Variants in ZNF136 observed in about 807,000 individuals in gnomAD.
The protein encoded by ZNF136 is zinc finger protein 136.
A neutral mutation model predicts 11.4 loss-of-function variants in ZNF136; 8 were observed. The ratio of observed to expected loss-of-function variants is 0.70; its 90% CI spans 0.41 to 1.27. The LOEUF (loss-of-function observed/expected upper bound fraction) is 1.27, where lower values mean the gene tolerates loss of function less well. ZNF136 is among the 50% of genes most tolerant of loss of function. The probability of loss-of-function intolerance (pLI) is 0.01; values close to 1 mark genes in which losing one functional copy is unlikely to be tolerated. For missense variants in ZNF136, 590 were observed against 656.5 expected (o/e 0.90, Z 1.11); for synonymous variants, 190 against 207.1 (o/e 0.92, Z 0.71).
At chr19:12,179,895 T>C (rs529990728) in intron 1 of ZNF136, among the ~76,000 whole-genome samples, 3 of 152,210 alleles carry the variant, frequency 2.0e-5, no homozygotes, top group Non-Finnish European at 4.4e-5. Flanking sequence ...AGACAGAGTC[T>C]GGCTCTGTTG....
chr19:12,182,183 CT>C (rs1185615401), intron 1 of ZNF136, among the ~76,000 whole-genome samples: 6 of 152,178 alleles, frequency 3.9e-5, no homozygotes, highest in African/African-American at 1.4e-4. Context: ...TGTTTGTGAC[CT>C]TTTCGCCTGA....
At chr19:12,171,486 GC>G (rs1277402970) in intron 1 of ZNF136, among the ~76,000 whole-genome samples, 1 of 151,990 alleles carries the variant, frequency 6.6e-6, no homozygotes, top group African/African-American at 2.4e-5. Flanking sequence ...TTTCTGTGTG[GC>G]CTTTCATCTT....
At chr19:12,183,564 T>A (rs1164006798) in intron 1 of ZNF136, among the ~76,000 whole-genome samples, 18 of 146,206 alleles carry the variant, frequency 1.2e-4, no homozygotes, top group African/African-American at 4.0e-4. Flanking sequence ...TCTATCTATC[T>A]ATCTATCTAT....
At position 12,163,129 on chromosome 19, in the gene ZNF136, A is replaced by G. The variant is rs1977133038; in HGVS notation, c.-75A>G. ...CAGAGGCCCAGAGTGGCTCGCCTGG[A>G]GTCTCTGTGGCGCGGTTTCCTGTAC... On this transcript the variant is annotated 5_prime_UTR_variant, in exon 1 of 4. Transcript: ENST00000343979. 1.4e-6 allele frequency: 2 copies of G among 1,381,256 alleles called. No homozygotes were observed. Among genetic ancestry groups the G allele is most frequent in the Non-Finnish European group, 1.9e-6 (2 of 1,058,946 alleles). The allele number at this position is 1,381,256 out of a possible 1,614,324, so 85.6% of individuals were successfully genotyped here.
intron 1 of ZNF136, among the ~76,000 whole-genome samples, chr19:12,179,299 ATTTCTTTTTTTTTT>A (rs1201173446): frequency 4.0e-5 from 6 of 150,574 alleles, no homozygotes; most frequent in Middle Eastern, 3.2e-3. Flanking sequence ...GCTCAAAAGA[ATTTCTTTTTTTTTT>A]TTTCTTTTTT....
Position 12,186,213 on chromosome 19 carries a change from A to G in ZNF136, c.191+39A>G, listed in dbSNP as rs755675957. ...AGAGAAAGCAAATTCACTTGAAAGT[A>G]CCTTAGCATGTCATGAAATTTTAAA... On this transcript the variant is annotated intron_variant, in intron 3 of 3. Transcript: ENST00000343979. The G allele has an allele frequency of 8.3e-6, 13 of 1,568,416 alleles. No homozygotes were observed. The South Asian group carries it at 1.4e-4, about 17-fold the overall frequency.
chr19:12,186,699 T>C lies in ZNF136; in HGVS notation c.321T>C (p.Tyr107=). The C allele has an allele frequency of 1.2e-6, 2 of 1,614,148 alleles. No homozygotes were observed. Among genetic ancestry groups the C allele is most frequent in the Non-Finnish European group, 1.7e-6 (2 of 1,180,008 alleles). ...PGVKLCESIV[Y]GEVSMGQSSL... Reference sequence around the variant, plus strand: ...TGAAACTCTGTGAAAGCATTGTATATGGAGAAGTCAGCATGGGTCAGTCAT... The same window carrying C: ...TGAAACTCTGTGAAAGCATTGTATACGGAGAAGTCAGCATGGGTCAGTCAT... The change falls in exon 4 of 4, where the codon TAT becomes TAC. Residue 107 remains tyrosine (Y), a synonymous_variant. Coordinates refer to ENST00000343979, the MANE Select transcript of ZNF136 (RefSeq NM_003437.5).
At chr19:12,163,296 T>A in intron 1 of ZNF136, 90 bp downstream of exon 1, 1 of 1,310,290 alleles carries the variant, frequency 7.6e-7, no homozygotes, top group East Asian at 2.8e-5. Flanking sequence ...GGCCTTCCCG[T>A]GGGCGACTCT....
intron 1 of ZNF136, among the ~76,000 whole-genome samples, chr19:12,172,939 G>A (rs897689448): frequency 1.3e-5 from 2 of 152,254 alleles, no homozygotes; most frequent in South Asian, 4.1e-4. Context: ...TTTAACCAGG[G>A]AGTCGGAGGT....
intron 1 of ZNF136, among the ~76,000 whole-genome samples, chr19:12,182,051 T>C (rs1300862814): frequency 2.0e-5 from 3 of 152,090 alleles, no homozygotes; most frequent in African/African-American, 7.2e-5. Context: ...GAATTACAGG[T>C]GTGAGTCACC....
intron 1 of ZNF136, among the ~76,000 whole-genome samples, chr19:12,168,680 CCTT>C (rs1388391914): frequency 1.3e-5 from 2 of 151,730 alleles, no homozygotes; most frequent in African/African-American, 2.4e-5. Flanking sequence ...CTTGGGTCAT[CCTT>C]TTTTTTTTTG....
rs1196993347 is a variant in ZNF136, at chr19:12,188,140, G to A, written c.*139G>A. 2.2e-5 allele frequency: 13 copies of A among 598,352 alleles called. No homozygotes were observed. Among genetic ancestry groups the A allele is most frequent in the Non-Finnish European group, 2.8e-5 (11 of 386,178 alleles). The allele number at this position is 598,352 out of a possible 1,614,324, so 37.1% of individuals were successfully genotyped here. ...AATTCTAGAGAGAAGCCATATACAT[G>A]TAAGTAACATGGGAAAGCTTTCAAT... On this transcript the variant is annotated 3_prime_UTR_variant, in exon 4 of 4. Transcript: ENST00000343979.
Position 12,187,097 on chromosome 19 carries a change from G to A in ZNF136, c.719G>A (p.Arg240Gln), listed in dbSNP as rs762704482. 1.5e-5 allele frequency: 25 copies of A among 1,613,952 alleles called. No homozygotes were observed. Among genetic ancestry groups the A allele is most frequent in the Middle Eastern group, 1.6e-4 (1 of 6,082 alleles). Reference sequence around the variant, plus strand: ...GCCTTCACTTGTATCACAAGTGTTCGAAGACACATGATAAAGCACACTGGA... The same window carrying A: ...GCCTTCACTTGTATCACAAGTGTTCAAAGACACATGATAAAGCACACTGGA... The part of the protein sequence containing the change: ...GKAFTCITSV[R>Q]RHMIKHTGDG... Residue 240 changes from arginine (R) to glutamine (Q), a missense_variant, in exon 4 of 4, where the codon CGA becomes CAA. By Grantham distance (43) the Arg-to-Gln change is conservative. Coordinates refer to ENST00000343979, the MANE Select transcript of ZNF136 (RefSeq NM_003437.5).
chr19:12,169,176 T>TG, intron 1 of ZNF136: 1 of 152,404 alleles, frequency 6.6e-6, no homozygotes, highest in East Asian at 1.9e-4. Context: ...CCTGGACTTG[T>TG]GGGGTCTGGG....
chr19:12,181,661 G>A (rs550274176), intron 1 of ZNF136, among the ~76,000 whole-genome samples: 22 of 151,846 alleles, frequency 1.4e-4, no homozygotes, highest in Admixed American at 7.9e-4. Context: ...GGGGGACAGA[G>A]CCTCACTGAG....
Position 12,188,032 on chromosome 19 carries a change from TACTC to T in ZNF136, c.*35_*38del, listed in dbSNP as rs767021245. Reference sequence around the variant, plus strand: ...TGGGTTCATGTCAGATACATTAAAATACTCACTGAAGAGAAGCCCTATGAATGTA... The same window carrying T: ...TGGGTTCATGTCAGATACATTAAAATACTGAAGAGAAGCCCTATGAATGTA... On this transcript the variant is annotated 3_prime_UTR_variant, in exon 4 of 4. Coordinates refer to ENST00000343979, the MANE Select transcript of ZNF136 (RefSeq NM_003437.5). 6.1e-6 allele frequency: 9 copies of T among 1,474,168 alleles called. No homozygotes were observed. Among genetic ancestry groups the T allele is most frequent in the Non-Finnish European group, 7.2e-6 (8 of 1,111,544 alleles). The allele number at this position is 1,474,168 out of a possible 1,614,324, so 91.3% of individuals were successfully genotyped here.
chr19:12,184,045 T>C (rs1915019488), intron 1 of ZNF136, among the ~76,000 whole-genome samples: 1 of 151,698 alleles, frequency 6.6e-6, no homozygotes, highest in South Asian at 2.1e-4. Context: ...GGCTGGCAGA[T>C]ACTTGCGGTC....
At chr19:12,174,699 C>T (rs1914745716) in intron 1 of ZNF136, among the ~76,000 whole-genome samples, 4 of 149,304 alleles carry the variant, frequency 2.7e-5, no homozygotes, top group Admixed American at 2.0e-4. Context: ...GCAGTGGCAC[C>T]ATCTCGGCTC....
chr19:12,166,432 A>G (rs1173258406), intron 1 of ZNF136, among the ~76,000 whole-genome samples: 5 of 152,196 alleles, frequency 3.3e-5, no homozygotes, highest in African/African-American at 1.2e-4. Context: ...CTCTCCTATT[A>G]TGGCTTCAGA....
Sources: allele counts gnomAD v4.1 joint callset (sites outside exome capture counted in the v4.1 genomes callset), GRCh38; gene constraint gnomAD v4.1.1; transcripts MANE v1.5; gene names NCBI Gene and HGNC (gene_info 2026-07-23, HGNC 2026-07-21).